POGZ: variants seen among roughly 807,000 people sequenced by gnomAD.
The protein encoded by POGZ is pogo transposable element derived with ZNF domain.
Under a neutral mutation model 134.6 loss-of-function variants are expected in POGZ, and 17 were observed. The ratio of observed to expected loss-of-function variants is 0.13; its 90% CI spans 0.09 to 0.19. The LOEUF is 0.19. Ranked by LOEUF, POGZ falls within the 10% of genes least tolerant of loss-of-function variation. The pLI, the probability that POGZ is intolerant of heterozygous loss-of-function variation, is 1.00. For missense variants in POGZ, 1,306 were observed against 1,769.7 expected, an observed-to-expected ratio of 0.74 and a Z score of 4.70; for synonymous variants, 693 against 657.1, an observed-to-expected ratio of 1.05 and a Z score of -0.84.
chr1:151,428,174 G>C lies in POGZ; in HGVS notation c.808C>G (p.Leu270Val). 1 of 1,614,208 alleles carries C rather than the reference G, an allele frequency of 6.2e-7. No homozygotes were observed. Among genetic ancestry groups the C allele is most frequent in the Non-Finnish European group, 8.5e-7 (1 of 1,180,034 alleles). ...GACTGGCCTGGAGACTGAACAGCTA[G>C]TTGCCCCAGTGAGGTTGGCTGTGTG... is the stretch of plus-strand genomic sequence containing the variant. ...TATQPTSLGQLAVQSPGQSNQ... is the reference protein window; with the variant it reads ...TATQPTSLGQVAVQSPGQSNQ... The change falls in exon 6 of 19, where the codon CTA (leucine) becomes GTA (valine). Residue 270 changes from leucine to valine, a missense_variant. Physicochemically the swap from Leu to Val is conservative, Grantham distance 32 (BLOSUM62 1). This residue lies in a region of POGZ where 541 missense variants were observed against 680.5 expected (regional missense o/e 0.80). Coordinates refer to ENST00000271715, the MANE Select transcript of POGZ (RefSeq NM_015100.4).
intron 1 of POGZ, among the ~76,000 whole-genome samples, chr1:151,451,674 TA>T (rs1304860229): frequency 6.6e-6 from 1 of 151,724 alleles, no homozygotes; most frequent in Non-Finnish European, 1.5e-5. Flanking sequence ...AATACAGCAA[TA>T]AAAGAACAAA....
At chr1:151,437,446 G>A (rs1191254473) in intron 3 of POGZ, among the ~76,000 whole-genome samples, 1 of 152,040 alleles carries the variant, frequency 6.6e-6, no homozygotes, top group Non-Finnish European at 1.5e-5. Flanking sequence ...ATACTGAATT[G>A]TTTAAAAATT....
chr1:151,453,234 C>T (rs1348882686), intron 1 of POGZ, among the ~76,000 whole-genome samples: 2 of 151,818 alleles, frequency 1.3e-5, no homozygotes, highest in Non-Finnish European at 2.9e-5. Context: ...TCTCCCTTTT[C>T]GCATGCGTGA....
At chr1:151,451,967 G>A (rs1011669950) in intron 1 of POGZ, among the ~76,000 whole-genome samples, 2 of 151,346 alleles carry the variant, frequency 1.3e-5, no homozygotes, top group East Asian at 4.0e-4. Context: ...CGTGGTGGTG[G>A]GCACCTGTAA....
intron 12 of POGZ, among the ~76,000 whole-genome samples, chr1:151,410,170 GA>G (rs1300058506): frequency 1.3e-5 from 2 of 152,044 alleles, no homozygotes; most frequent in Non-Finnish European, 2.9e-5. Context: ...ATTTTAAAAC[GA>G]AGTCATAGCT....
Position 151,440,951 on chromosome 1 carries a change from A to T in POGZ, c.260T>A (p.Val87Asp). 6.2e-7 allele frequency: 1 copy of T among 1,613,744 alleles called. No homozygotes were observed. The change falls in exon 3 of 19, where the codon GTC becomes GAC. Residue 87 changes from valine (V) to aspartate (D), a missense_variant. Val to Asp is a radical substitution (Grantham distance 152, BLOSUM62 -3). Coordinates refer to ENST00000271715, the MANE Select transcript of POGZ (RefSeq NM_015100.4). ...ACCATTGTTGTTGGCAATTAGTGTG[A>T]CAAGAGTCTTCTTTGTACTGTCGCT... ...QNSDSTKKTLVTLIANNNAGN... is the reference protein window; with the variant it reads ...QNSDSTKKTLDTLIANNNAGN...
rs189945653 is a variant in POGZ, at chr1:151,457,015, T to C, written c.-2+2137A>G. ...TGCTTTTGAACCATCAGTGTATCAGTGAAAACAATAAATAGCATCTTACTA... is the reference window on the plus strand; with the variant it reads ...TGCTTTTGAACCATCAGTGTATCAGCGAAAACAATAAATAGCATCTTACTA... On this transcript the variant is annotated intron_variant, in intron 1 of 18. Coordinates refer to ENST00000271715, the MANE Select transcript of POGZ (RefSeq NM_015100.4). Among the ~76,000 whole-genome samples, 16 of 152,308 alleles carry C rather than the reference T, an allele frequency of 1.1e-4. 2 individuals are homozygous for C. In the East Asian group the frequency reaches 2.7e-3, roughly 26 times the overall value.
At chr1:151,432,920 C>G (rs1658936780) in intron 3 of POGZ, among the ~76,000 whole-genome samples, 1 of 152,196 alleles carries the variant, frequency 6.6e-6, no homozygotes, top group Non-Finnish European at 1.5e-5. Context: ...CAAAGTGCAA[C>G]TGATGAACTA....
At chr1:151,428,684 A>C (rs944769611) in intron 5 of POGZ, among the ~76,000 whole-genome samples, 3 of 152,200 alleles carry the variant, frequency 2.0e-5, no homozygotes. Flanking sequence ...TAAGAATACA[A>C]TCAGTGGCTT....
intron 12 of POGZ, among the ~76,000 whole-genome samples, chr1:151,409,617 G>A (rs966201781): frequency 3.3e-5 from 5 of 152,004 alleles, no homozygotes; most frequent in African/African-American, 9.7e-5. Context: ...GATTACAGGC[G>A]TGCATCACTG....
In POGZ at chr1:151,427,965, T is replaced by G; in HGVS notation, c.936A>C (p.Glu312Asp). 1.1e-5 allele frequency: 17 copies of G among 1,614,190 alleles called. No individual in the cohort carries two copies. Among genetic ancestry groups the G allele is most frequent in the Non-Finnish European group, 1.4e-5 (17 of 1,180,032 alleles). The change falls in exon 7 of 19, where the codon GAA (glutamate) becomes GAC (aspartate). Residue 312 changes from glutamate to aspartate, a missense_variant. Physicochemically the swap from Glu to Asp is conservative, Grantham distance 45 (BLOSUM62 2). Around this residue, in one of 10 missense-constraint regions of POGZ, gnomAD observed 541 missense variants for 680.5 expected, o/e 0.80. Transcript: ENST00000271715. ...CCAATTTGGCCACTTCATTGCTATTTTCGCCTGTAACACCAGGTCGCTTCA... is the reference window on the plus strand; with the variant it reads ...CCAATTTGGCCACTTCATTGCTATTGTCGCCTGTAACACCAGGTCGCTTCA... Reference protein sequence around the residue: ...VTVKRPGVTGENSNEVAKLVN... With the variant: ...VTVKRPGVTGDNSNEVAKLVN...
chr1:151,425,139 A>T, intron 7 of POGZ, 78 bp from the exon 8 acceptor site: 1 of 745,580 alleles, frequency 1.3e-6, no homozygotes, highest in Non-Finnish European at 2.4e-6. Context: ...GGAAAAAGTC[A>T]AACACTCCCT....
intron 10 of POGZ, 53 bp downstream of exon 10, chr1:151,423,344 A>C: frequency 6.8e-7 from 1 of 1,471,422 alleles, no homozygotes; most frequent in Non-Finnish European, 9.5e-7. Context: ...GCGCCATTCA[A>C]TGAGTGAACA....
Position 151,442,251 on chromosome 1 carries a change from A to C in POGZ, c.-1-46T>G, listed in dbSNP as rs1190911618. The C allele has an allele frequency of 1.9e-6, 3 of 1,562,062 alleles. No homozygotes were observed. The South Asian group carries it at 3.5e-5, about 18-fold the overall frequency. The stretch of plus-strand genomic sequence containing the variant: ...TAAGATATGGGCCTAAGAATAGGAG[A>C]TATTGCTTTATACCAAATATGAAAT... On this transcript the variant is annotated intron_variant, in intron 1 of 18. Transcript: ENST00000271715.
chr1:151,439,772 A>G (rs1243366401), intron 3 of POGZ, among the ~76,000 whole-genome samples: 1 of 152,228 alleles, frequency 6.6e-6, no homozygotes, highest in Admixed American at 6.5e-5. Context: ...AACAATACTG[A>G]TCACAATTCT....
intron 17 of POGZ, 73 bp downstream of exon 17, chr1:151,406,838 C>T: frequency 8.7e-7 from 1 of 1,154,498 alleles, no homozygotes; most frequent in Non-Finnish European, 1.3e-6. Context: ...TAGGTATGCT[C>T]CTGATGCATA....
intron 16 of POGZ, 35 bp downstream of exon 16, chr1:151,407,200 A>G: frequency 6.7e-7 from 1 of 1,490,890 alleles, no homozygotes; most frequent in Non-Finnish European, 9.2e-7. Context: ...TAAAAACCTG[A>G]AAAATTAAGA....
intron 1 of POGZ, among the ~76,000 whole-genome samples, chr1:151,449,307 G>A (rs1460458512): frequency 1.3e-5 from 2 of 152,110 alleles, no homozygotes; most frequent in African/African-American, 4.8e-5. Flanking sequence ...TTTATCAGAG[G>A]TCACGTTTGC....
At chr1:151,439,529 G>A (rs1166065345) in intron 3 of POGZ, among the ~76,000 whole-genome samples, 3 of 152,160 alleles carry the variant, frequency 2.0e-5, no homozygotes, top group South Asian at 4.1e-4. Flanking sequence ...ACCTGATCCA[G>A]CAAATCTCAC....
Sources: gnomAD v4.1 joint callset for allele counts (sites outside exome capture counted in the v4.1 genomes callset) on GRCh38, gnomAD v4.1.1 for gene constraint, gnomAD v4.1.1 regional missense constraint, MANE v1.5 for transcripts, NCBI Gene and HGNC (gene_info 2026-07-23, HGNC 2026-07-21) for gene names.